Variants in IQCB1 observed in about 807,000 individuals in gnomAD.
IQCB1 encodes IQ motif containing B1, also known as IQ calmodulin-binding motif-containing protein 1.
IQCB1 carries 56 observed loss-of-function variants against 84.4 expected under a neutral mutation model. That is an observed-to-expected ratio of 0.66 (90% CI 0.54 to 0.83). The LOEUF (loss-of-function observed/expected upper bound fraction) is 0.83, where lower values mean the gene tolerates loss of function less well. Ranked by LOEUF, IQCB1 falls within the 40% of genes least tolerant of loss-of-function variation. The pLI, the probability that IQCB1 is intolerant of heterozygous loss-of-function variation, is 0.00. For synonymous variants in IQCB1, 210 were observed against 234.8 expected (o/e 0.89, Z 0.96); for missense variants, 629 against 682.1 (o/e 0.92, Z 0.87).
At position 121,786,170 on chromosome 3, in the gene IQCB1, C is replaced by CAAAAGCAAAGAAAAG. The variant is rs1948712344; in HGVS notation, c.1278+2113_1278+2114insCTTTTCTTTGCTTTT. Among the ~76,000 whole-genome samples, 3 of 72,848 alleles carry CAAAAGCAAAGAAAAG rather than the reference C, an allele frequency of 4.1e-5. 1 individual carries two copies. Among genetic ancestry groups the CAAAAGCAAAGAAAAG allele is most frequent in the Non-Finnish European group, 7.6e-5 (3 of 39,270 alleles). The allele number at this position is 72,848 out of a possible 152,430, so 47.8% of individuals were successfully genotyped here. On this transcript the variant is annotated intron_variant, in intron 12 of 14. Coordinates refer to ENST00000310864, the MANE Select transcript of IQCB1 (RefSeq NM_001023570.4). The stretch of plus-strand genomic sequence containing the variant: ...TGGGAGACAGAGAGAGATTCTGTCT[C>CAAAAGCAAAGAAAAG]AAAAGAAAAGAAAAGAAAAGAAAAG...
At chr3:121,773,730 A>G (rs1948103930) in intron 13 of IQCB1, among the ~76,000 whole-genome samples, 1 of 152,196 alleles carries the variant, frequency 6.6e-6, no homozygotes, top group Non-Finnish European at 1.5e-5. Context: ...AGGAGCATGC[A>G]TCAGAACTAC....
At chr3:121,804,212 A>G (rs930024229) in intron 7 of IQCB1, among the ~76,000 whole-genome samples, 1 of 151,978 alleles carries the variant, frequency 6.6e-6, no homozygotes, top group Non-Finnish European at 1.5e-5. Context: ...ACTTCCATTT[A>G]TCTCCTCCCA....
intron 14 of IQCB1, among the ~76,000 whole-genome samples, chr3:121,770,850 C>A (rs1318702320): frequency 6.6e-6 from 1 of 151,960 alleles, no homozygotes; most frequent in Admixed American, 6.6e-5. Flanking sequence ...AATGTTTTTT[C>A]TTTTTTTGTA....
At chr3:121,797,093 A>T in intron 9 of IQCB1, 25 bp downstream of exon 9, 111 of 951,302 alleles carry the variant, frequency 1.2e-4, no homozygotes, top group Middle Eastern at 2.6e-4. Flanking sequence ...ATATCATGCA[A>T]TTTTTTTTTT....
intron 5 of IQCB1, among the ~76,000 whole-genome samples, chr3:121,824,102 A>G (rs1346819043): frequency 6.6e-6 from 1 of 152,248 alleles, no homozygotes; most frequent in Non-Finnish European, 1.5e-5. Flanking sequence ...CATTTTAAGT[A>G]TAAGACAGAG....
At chr3:121,808,641 A>T (rs1034252343) in intron 6 of IQCB1, among the ~76,000 whole-genome samples, 3 of 152,006 alleles carry the variant, frequency 2.0e-5, no homozygotes, top group Non-Finnish European at 2.9e-5. Context: ...AAACTGCTCA[A>T]ATTATCATTT....
At position 121,835,056 on chromosome 3, in the gene IQCB1, G is replaced by T. The variant is rs944101826; in HGVS notation, c.-192C>A. 3.5e-6 allele frequency: 2 copies of T among 575,846 alleles called. No homozygotes were observed. The highest frequency in any genetic ancestry group is 1.9e-5 in the African/African-American group (1 of 53,374). 35.7% of individuals were successfully genotyped at this position (575,846 alleles called of 1,614,324 possible). On this transcript the variant is annotated 5_prime_UTR_variant, in exon 1 of 15. Transcript: ENST00000310864. ...GGCCTTCCGGGGCAGCGTGCGTCGCGACGCGGGAAGGGGCCTGGAGGCGGG... is the reference window on the plus strand; with the variant it reads ...GGCCTTCCGGGGCAGCGTGCGTCGCTACGCGGGAAGGGGCCTGGAGGCGGG...
chr3:121,795,249 T>C (rs1949133193), intron 10 of IQCB1, among the ~76,000 whole-genome samples: 1 of 152,088 alleles, frequency 6.6e-6, no homozygotes, highest in Non-Finnish European at 1.5e-5. Context: ...TAGGATTGCA[T>C]ATTTGACACA....
At chr3:121,799,484 C>A in intron 7 of IQCB1, 110 bp from the exon 8 acceptor site, 1 of 687,856 alleles carries the variant, frequency 1.5e-6, no homozygotes, top group Middle Eastern at 2.9e-4. Context: ...TGTCCTGATC[C>A]AAGAATATAA....
In IQCB1 at chr3:121,799,260, T is replaced by C. The variant is rs1949315941; in HGVS notation, c.702A>G (p.Leu234=). 2 of 1,610,866 alleles carry C rather than the reference T, an allele frequency of 1.2e-6. No homozygotes were observed. Among genetic ancestry groups the C allele is most frequent in the Non-Finnish European group, 8.5e-7 (1 of 1,177,790 alleles). ...CCTGATGGGATTCAGCCATCAACAG[T>C]AGGAGTTTTGTAGCAGTACTTCTTA... ...PVIRSTATKL[L]LLMAESHQEI... The change falls in exon 8 of 15, where the codon CTA becomes CTG. Residue 234 remains leucine (L), a synonymous_variant. Coordinates refer to ENST00000310864, the MANE Select transcript of IQCB1 (RefSeq NM_001023570.4).
chr3:121,791,066 A>G (rs899766336), intron 10 of IQCB1, among the ~76,000 whole-genome samples: 1 of 152,226 alleles, frequency 6.6e-6, no homozygotes, highest in African/African-American at 2.4e-5. Context: ...GTCAGTTTAC[A>G]GTAAATATAC....
chr3:121,780,879 T>A (rs1379423306), intron 13 of IQCB1, among the ~76,000 whole-genome samples: 14 of 144,472 alleles, frequency 9.7e-5, no homozygotes, highest in East Asian at 3.9e-4. Flanking sequence ...TGTGTGTGTG[T>A]GTGTGAGAGA....
Position 121,828,452 on chromosome 3 carries a change from C to T in IQCB1, c.263+18G>A, listed in dbSNP as rs201677425. ...TACTACATCCCTCAAGAACAGCTGACTTACTGCTTTATTTTACCTTAATAT... is the reference window on the plus strand; with the variant it reads ...TACTACATCCCTCAAGAACAGCTGATTTACTGCTTTATTTTACCTTAATAT... On this transcript the variant is annotated intron_variant, in intron 4 of 14. Transcript: ENST00000310864. 3.2e-5 allele frequency: 52 copies of T among 1,604,336 alleles called. 1 individual carries two copies. The East Asian group carries it at 1.1e-3, about 34-fold the overall frequency.
At chr3:121,832,193 G>A (rs984816556) in intron 2 of IQCB1, among the ~76,000 whole-genome samples, 3 of 151,862 alleles carry the variant, frequency 2.0e-5, no homozygotes, top group African/African-American at 7.3e-5. Flanking sequence ...TATTTCTATC[G>A]GTTTGTCTTA....
intron 10 of IQCB1, among the ~76,000 whole-genome samples, chr3:121,794,041 T>C (rs577436676): frequency 1.7e-4 from 26 of 152,138 alleles, no homozygotes; most frequent in Non-Finnish European, 2.8e-4. Context: ...ACAGAGGCAA[T>C]ACCAAGAGCA....
intron 10 of IQCB1, among the ~76,000 whole-genome samples, chr3:121,791,817 G>A (rs796454156): frequency 7.9e-5 from 12 of 152,282 alleles, no homozygotes; most frequent in African/African-American, 2.4e-4. Context: ...GTGGCCGGGC[G>A]CGGTGGTTCA....
intron 8 of IQCB1, among the ~76,000 whole-genome samples, chr3:121,798,262 A>G (rs1005624049): frequency 6.6e-6 from 1 of 151,920 alleles, no homozygotes; most frequent in Non-Finnish European, 1.5e-5. Context: ...AAAATCATCA[A>G]GAATGATAAA....
chr3:121,788,410 C>T lies in IQCB1; in HGVS notation c.1152G>A (p.Arg384=). Residue 384 remains arginine, a synonymous_variant, in exon 12 of 15, where the codon CGG becomes CGA. Transcript: ENST00000310864. ...VHPGQVEKHY[R]EMEEKSALII... ...TCAGTGCTGATTTCTCTTCCATTTC[C>T]CGATAGTGTTTCTCCACCTGACCTA... 1.2e-6 allele frequency: 2 copies of T among 1,613,738 alleles called. No individual in the cohort carries two copies. Among genetic ancestry groups the T allele is most frequent in the Non-Finnish European group, 1.7e-6 (2 of 1,179,782 alleles).
chr3:121,803,432 A>G (rs1180986996), intron 7 of IQCB1, among the ~76,000 whole-genome samples: 2 of 152,200 alleles, frequency 1.3e-5, no homozygotes, highest in African/African-American at 4.8e-5. Context: ...TTTGAAAAGA[A>G]CATGTATTCT....
Sources: allele counts gnomAD v4.1 joint callset (sites outside exome capture counted in the v4.1 genomes callset), GRCh38; gene constraint gnomAD v4.1.1; transcripts MANE v1.5; gene names NCBI Gene and HGNC (gene_info 2026-07-23, HGNC 2026-07-21).